GRIN2B: variants seen among roughly 807,000 people sequenced by gnomAD.
GRIN2B encodes the protein glutamate ionotropic receptor NMDA type subunit 2B.
GRIN2B carries 5 observed loss-of-function variants against 114.5 expected under a neutral mutation model. That is an observed-to-expected ratio of 0.04 (90% CI 0.02 to 0.09). GRIN2B has a LOEUF of 0.09. Ranked by LOEUF, GRIN2B falls within the 10% of genes least tolerant of loss-of-function variation. GRIN2B has a pLI of 1.00. For synonymous variants in GRIN2B, 787 were observed against 745.1 expected, an observed-to-expected ratio of 1.06 and a Z score of -0.92; for missense variants, 1,108 against 1,943.5, an observed-to-expected ratio of 0.57 and a Z score of 8.08.
At chr12:13,759,745 AAGG>A (rs748101632) in intron 3 of GRIN2B, among the ~76,000 whole-genome samples, 26 of 152,326 alleles carry the variant, frequency 1.7e-4, no homozygotes, top group South Asian at 1.4e-3. Context: ...CTCAACAAAG[AAGG>A]ATGATCTTTT....
At position 13,560,163 on chromosome 12, in the gene GRIN2B, G is replaced by A. The variant is rs1002910980; in HGVS notation, c.*2620C>T. The A allele has an allele frequency of 6.6e-6, 1 of 152,128 alleles. No homozygotes were observed. The highest frequency in any genetic ancestry group is 2.4e-5 in the African/African-American group (1 of 41,422). The allele number at this position is 152,128 out of a possible 1,614,324, so 9.4% of individuals were successfully genotyped here. On this transcript the variant is annotated 3_prime_UTR_variant, in exon 14 of 14. Coordinates refer to ENST00000609686, the MANE Select transcript of GRIN2B (RefSeq NM_000834.5). ...CCAGTAAGAAGACTGGTTTTCTGGG[G>A]GGGATGGACACAATTACTTTCCCCT...
At chr12:13,959,037 C>T (rs1867646605) in intron 2 of GRIN2B, among the ~76,000 whole-genome samples, 1 of 152,124 alleles carries the variant, frequency 6.6e-6, no homozygotes, top group African/African-American at 2.4e-5. Context: ...ATTCTTCATA[C>T]ACATCAGCAA....
At chr12:13,933,242 C>G (rs537484944) in intron 2 of GRIN2B, among the ~76,000 whole-genome samples, 1 of 152,220 alleles carries the variant, frequency 6.6e-6, no homozygotes, top group South Asian at 2.1e-4. Context: ...TCAATTAAAC[C>G]CTTTGAGTAT....
chr12:13,876,711 GA>G (rs1865995872), intron 2 of GRIN2B, among the ~76,000 whole-genome samples: 1 of 152,188 alleles, frequency 6.6e-6, no homozygotes, highest in Non-Finnish European at 1.5e-5. Flanking sequence ...AAGAGTACTG[GA>G]AAGGAGTATA....
At chr12:13,872,549 G>T (rs1865929329) in intron 2 of GRIN2B, among the ~76,000 whole-genome samples, 1 of 151,908 alleles carries the variant, frequency 6.6e-6, no homozygotes. Context: ...TATCTGAAAT[G>T]CAAGAATGGC....
In GRIN2B at chr12:13,560,454, A is replaced by C. The variant is rs1269509250; in HGVS notation, c.*2329T>G. 6.6e-6 allele frequency: 1 copy of C among 152,230 alleles called. No homozygotes were observed. The highest frequency in any genetic ancestry group is 1.5e-5 in the Non-Finnish European group (1 of 68,042). The allele number at this position is 152,230 out of a possible 1,614,324, so 9.4% of individuals were successfully genotyped here. A position where few individuals can be genotyped will look rare whatever the true frequency, so the allele number is the denominator to read the frequency against. On this transcript the variant is annotated 3_prime_UTR_variant, in exon 14 of 14. Coordinates refer to ENST00000609686, the MANE Select transcript of GRIN2B (RefSeq NM_000834.5). The stretch of plus-strand genomic sequence containing the variant: ...TGATTTCTGTTGCCAGCGGAGACTG[A>C]AAGAGCTCCCTTGGTTCTAGATTGC...
At chr12:13,869,831 TG>T (rs1865878840) in intron 2 of GRIN2B, among the ~76,000 whole-genome samples, 1 of 152,362 alleles carries the variant, frequency 6.6e-6, no homozygotes, top group East Asian at 1.9e-4. Context: ...TGCCTGAGGA[TG>T]GGCGAGTCAC....
intron 4 of GRIN2B, among the ~76,000 whole-genome samples, chr12:13,691,199 G>C (rs1309387520): frequency 2.6e-5 from 4 of 152,158 alleles, no homozygotes; most frequent in African/African-American, 7.2e-5. Flanking sequence ...TTCACACTAA[G>C]ATCTTCTCTA....
At chr12:13,792,052 G>A (rs978001195) in intron 3 of GRIN2B, among the ~76,000 whole-genome samples, 2 of 152,122 alleles carry the variant, frequency 1.3e-5, no homozygotes, top group Admixed American at 6.5e-5. Context: ...ATGAGAACAC[G>A]CCATATTCGT....
At chr12:13,640,104 G>A (rs1949701000) in intron 5 of GRIN2B, among the ~76,000 whole-genome samples, 1 of 152,044 alleles carries the variant, frequency 6.6e-6, no homozygotes, top group Non-Finnish European at 1.5e-5. Flanking sequence ...GTAGATACAA[G>A]ACCAGGCATG....
At chr12:13,812,883 C>A (rs75082830) in intron 3 of GRIN2B, among the ~76,000 whole-genome samples, 6,880 of 151,032 alleles carry the variant, frequency 0.046, 213 homozygotes, top group Admixed American at 0.069. Flanking sequence ...AACTTGTAAC[C>A]AGATATTATT....
intron 2 of GRIN2B, among the ~76,000 whole-genome samples, chr12:13,942,030 A>G (rs926182638): frequency 6.6e-6 from 1 of 152,176 alleles, no homozygotes; most frequent in African/African-American, 2.4e-5. Flanking sequence ...TTAATCTTTA[A>G]TCCACTCTTT....
At chr12:13,612,365 C>T (rs1446019503) in intron 8 of GRIN2B, among the ~76,000 whole-genome samples, 1 of 152,230 alleles carries the variant, frequency 6.6e-6, no homozygotes, top group Non-Finnish European at 1.5e-5. Context: ...CCCCTTTTCC[C>T]CTTGTATCAT....
At chr12:13,864,766 G>A (rs1865799338) in intron 3 of GRIN2B, among the ~76,000 whole-genome samples, 2 of 152,218 alleles carry the variant, frequency 1.3e-5, no homozygotes, top group Admixed American at 6.5e-5. Context: ...TAACGCAGGA[G>A]AGGCTAGGAT....
intron 2 of GRIN2B, among the ~76,000 whole-genome samples, chr12:13,892,632 A>G (rs1866283146): frequency 6.6e-6 from 1 of 152,178 alleles, no homozygotes; most frequent in Non-Finnish European, 1.5e-5. Context: ...GAAGTGGTGG[A>G]GGTGAGGCAG....
intron 5 of GRIN2B, among the ~76,000 whole-genome samples, chr12:13,667,703 T>C (rs918938337): frequency 3.9e-5 from 6 of 152,172 alleles, no homozygotes; most frequent in Non-Finnish European, 7.3e-5. Context: ...AAAAAGTAGA[T>C]TGCAAATTAT....
At chr12:13,973,972 G>A (rs991855052) in intron 2 of GRIN2B, among the ~76,000 whole-genome samples, 1 of 152,114 alleles carries the variant, frequency 6.6e-6, no homozygotes, top group Non-Finnish European at 1.5e-5. Flanking sequence ...ATCCCCAGGA[G>A]TAAAAACCTC....
At position 13,564,239 on chromosome 12, in the gene GRIN2B, A is replaced by G; in HGVS notation, c.2999T>C (p.Ile1000Thr). 1 of 1,614,160 alleles carries G rather than the reference A, an allele frequency of 6.2e-7. No homozygotes were observed. Among genetic ancestry groups the G allele is most frequent in the Non-Finnish European group, 8.5e-7 (1 of 1,180,032 alleles). ...RPHSIGSASSIDGLYDCDNPP... is the reference protein window; with the variant it reads ...RPHSIGSASSTDGLYDCDNPP... ...GTTGTCACAGTCGTAGAGCCCATCG[A>G]TGGAGCTGGCACTGCCAATACTATG... is the stretch of plus-strand genomic sequence containing the variant. Residue 1000 changes from isoleucine to threonine, a missense_variant, in exon 14 of 14, where the codon ATC becomes ACC. Physicochemically the swap from Ile to Thr is moderately conservative, Grantham distance 89. Around this residue, in one of 19 missense-constraint regions of GRIN2B, gnomAD observed 140 missense variants for 187.5 expected, o/e 0.75. Coordinates refer to ENST00000609686, the MANE Select transcript of GRIN2B (RefSeq NM_000834.5). This position sits in a 1 kb window ranked among gnomAD's most constrained non-coding sequence, Gnocchi z 4.8.
At chr12:13,612,628 C>A (rs542771669) in intron 8 of GRIN2B, among the ~76,000 whole-genome samples, 1 of 152,328 alleles carries the variant, frequency 6.6e-6, no homozygotes, top group South Asian at 2.1e-4. Flanking sequence ...GGCAAGGTAG[C>A]AAGAATGTTC....
Sources: gnomAD v4.1 joint callset for allele counts (sites outside exome capture counted in the v4.1 genomes callset) on GRCh38, gnomAD v4.1.1 for gene constraint, gnomAD v4.1.1 regional missense constraint, Gnocchi (gnomAD v3.1) non-coding constraint, MANE v1.5 for transcripts, NCBI Gene and HGNC (gene_info 2026-07-23, HGNC 2026-07-21) for gene names.